C10orf90: variants seen among roughly 807,000 people sequenced by gnomAD.
C10orf90 encodes the protein (E2-independent) E3 ubiquitin-conjugating enzyme FATS.
A neutral mutation model predicts 62.5 loss-of-function variants in C10orf90; 56 were observed. That is an observed-to-expected ratio of 0.90 (90% CI 0.72 to 1.12). The LOEUF (loss-of-function observed/expected upper bound fraction) is 1.12. Among genes scored for constraint, C10orf90 ranks in the 50% most tolerant of loss-of-function variants. The pLI is 0.00. For synonymous variants in C10orf90, 386 were observed against 340.4 expected (o/e 1.13, Z -1.47); for missense variants, 970 against 880.4 (o/e 1.10, Z -1.29).
At chr10:126,656,728 C>T (rs930083511) in intron 1 of C10orf90, among the ~76,000 whole-genome samples, 11 of 152,140 alleles carry the variant, frequency 7.2e-5, no homozygotes, top group Non-Finnish European at 1.3e-4. Flanking sequence ...GGAGACTTTT[C>T]GGCTTGTGGA....
At position 126,503,983 on chromosome 10, in the gene C10orf90, T is replaced by C; in HGVS notation, c.1508A>G (p.His503Arg). The stretch of plus-strand genomic sequence containing the variant: ...TGCCCTGTAACTCCAGCCAGGAATG[T>C]GAATGGACAGTTGGTTGGCATGATC... ...ASDHANQLSI[H>R]IPGWSYRAVH... Residue 503 changes from histidine (H) to arginine (R), a missense_variant, in exon 4 of 10, where the codon CAC becomes CGC. Physicochemically the swap from His to Arg is conservative, Grantham distance 29 (BLOSUM62 0). Coordinates refer to ENST00000488181, the MANE Select transcript of C10orf90 (RefSeq NM_001350921.2). 1 of 1,612,570 alleles carries C rather than the reference T, an allele frequency of 6.2e-7. No homozygotes were observed. The highest frequency in any genetic ancestry group is 8.5e-7 in the Non-Finnish European group (1 of 1,179,668).
intron 2 of C10orf90, among the ~76,000 whole-genome samples, chr10:126,596,066 T>A (rs1845078575): frequency 6.7e-6 from 1 of 148,586 alleles, no homozygotes; most frequent in South Asian, 2.1e-4. Flanking sequence ...TTTGTCAGAA[T>A]GCCAAAACTA....
intron 2 of C10orf90, among the ~76,000 whole-genome samples, chr10:126,557,410 G>A (rs1296933171): frequency 1.3e-5 from 2 of 150,832 alleles, no homozygotes; most frequent in East Asian, 2.0e-4. Flanking sequence ...AACGTGGGAG[G>A]CAGAGCTTGC....
Position 126,508,279 on chromosome 10 carries a change from A to G in C10orf90, c.406-3194T>C, listed in dbSNP as rs376561706. 8.6e-5 allele frequency among the ~76,000 whole-genome samples: 13 copies of G among 151,648 alleles called. No individual in the cohort carries two copies. The East Asian group carries it at 1.9e-3, about 23-fold the overall frequency. ...CTTGGGCCTAGGTTGCTCAGGATCTATGGGGATAAAGCCTAGAATTTGTAT... is the reference window on the plus strand; with the variant it reads ...CTTGGGCCTAGGTTGCTCAGGATCTGTGGGGATAAAGCCTAGAATTTGTAT... On this transcript the variant is annotated intron_variant, in intron 3 of 9. Coordinates refer to ENST00000488181, the MANE Select transcript of C10orf90 (RefSeq NM_001350921.2).
intron 2 of C10orf90, among the ~76,000 whole-genome samples, chr10:126,645,945 G>T (rs1171721086): frequency 6.6e-6 from 1 of 152,114 alleles, no homozygotes; most frequent in African/African-American, 2.4e-5. Flanking sequence ...CATTCTTTTA[G>T]AATTGAATTT....
At chr10:126,482,246 GA>G (rs1326696344) in intron 4 of C10orf90, among the ~76,000 whole-genome samples, 3 of 152,180 alleles carry the variant, frequency 2.0e-5, no homozygotes, top group South Asian at 2.1e-4. Flanking sequence ...TGACTCTTAT[GA>G]GGGGGAGGGG....
intron 3 of C10orf90, among the ~76,000 whole-genome samples, chr10:126,506,630 C>T (rs1862749693): frequency 6.6e-6 from 1 of 152,206 alleles, no homozygotes; most frequent in Non-Finnish European, 1.5e-5. Context: ...CAGGCATCTG[C>T]ATTTCAACTG....
intron 2 of C10orf90, among the ~76,000 whole-genome samples, chr10:126,560,226 G>C (rs1412839518): frequency 6.6e-6 from 1 of 152,174 alleles, no homozygotes; most frequent in African/African-American, 2.4e-5. Context: ...TTGTAAGTGG[G>C]TAAGACTCAG....
chr10:126,469,849 G>A, intron 4 of C10orf90: 1 of 456,688 alleles, frequency 2.2e-6, no homozygotes, highest in Non-Finnish European at 4.4e-6. Context: ...CACCCACTCT[G>A]CATGGGCGCC....
intron 2 of C10orf90, among the ~76,000 whole-genome samples, chr10:126,584,627 C>G (rs529695942): frequency 1.8e-4 from 28 of 152,230 alleles, no homozygotes; most frequent in African/African-American, 6.5e-4. Flanking sequence ...CTCACGTGTG[C>G]CCATGTTTTG....
At chr10:126,483,835 C>A (rs1284849751) in intron 4 of C10orf90, among the ~76,000 whole-genome samples, 1 of 152,164 alleles carries the variant, frequency 6.6e-6, no homozygotes, top group African/African-American at 2.4e-5. Flanking sequence ...TGCCACCCAT[C>A]AAGTTCACGG....
At chr10:126,439,031 C>T (rs1316173245) in intron 7 of C10orf90, among the ~76,000 whole-genome samples, 1 of 152,140 alleles carries the variant, frequency 6.6e-6, no homozygotes, top group East Asian at 1.9e-4. Context: ...GTCAACATCA[C>T]CATGAATGCG....
At chr10:126,514,208 C>G (rs1361159604) in intron 2 of C10orf90, among the ~76,000 whole-genome samples, 1 of 152,130 alleles carries the variant, frequency 6.6e-6, no homozygotes, top group South Asian at 2.1e-4. Flanking sequence ...GTCACAATTG[C>G]ATAATTTTAG....
intron 2 of C10orf90, among the ~76,000 whole-genome samples, chr10:126,554,505 C>T (rs1415367316): frequency 2.0e-5 from 3 of 152,120 alleles, no homozygotes; most frequent in Non-Finnish European, 2.9e-5. Context: ...AAGCTATAAG[C>T]CACATTTGTG....
At chr10:126,496,689 C>T (rs1027721725) in intron 4 of C10orf90, 13 of 985,414 alleles carry the variant, frequency 1.3e-5, no homozygotes, top group Non-Finnish European at 1.6e-5. Flanking sequence ...TCGCTCCTCA[C>T]CCTTTCCTTG....
intron 2 of C10orf90, among the ~76,000 whole-genome samples, chr10:126,527,979 A>G (rs1285404230): frequency 6.6e-6 from 1 of 152,188 alleles, no homozygotes; most frequent in African/African-American, 2.4e-5. Flanking sequence ...ATAATTTAAC[A>G]TTTTTACCCT....
intron 2 of C10orf90, among the ~76,000 whole-genome samples, chr10:126,613,312 G>A (rs1339673493): frequency 3.9e-5 from 6 of 151,976 alleles, no homozygotes; most frequent in South Asian, 2.1e-4. Context: ...TTGGCCCACC[G>A]GAGGCTTGAC....
At chr10:126,527,300 C>A (rs1448651849) in intron 2 of C10orf90, among the ~76,000 whole-genome samples, 3 of 152,164 alleles carry the variant, frequency 2.0e-5, no homozygotes, top group Admixed American at 2.0e-4. Flanking sequence ...TTTGCATTTC[C>A]CTAATGGCTA....
intron 4 of C10orf90, among the ~76,000 whole-genome samples, chr10:126,471,696 C>G (rs1290507427): frequency 2.0e-5 from 3 of 152,152 alleles, no homozygotes; most frequent in Non-Finnish European, 4.4e-5. Context: ...GCAGGCAACT[C>G]TCATTTGACG....
Sources: gnomAD v4.1 joint callset for allele counts (sites outside exome capture counted in the v4.1 genomes callset) on GRCh38, gnomAD v4.1.1 for gene constraint, MANE v1.5 for transcripts, NCBI Gene and HGNC (gene_info 2026-07-23, HGNC 2026-07-21) for gene names.